Variants in CFI observed in about 807,000 individuals in gnomAD.
CFI encodes the protein complement factor I.
A neutral mutation model predicts 78.8 loss-of-function variants in CFI; 66 were observed. The observed-to-expected ratio is 0.84, with a 90% CI of 0.69 to 1.03. The LOEUF is 1.03. Ranked by LOEUF, CFI falls within the 50% of genes least tolerant of loss-of-function variation. The probability of loss-of-function intolerance (pLI) is 0.00; values close to 1 mark genes in which losing one functional copy is unlikely to be tolerated. For synonymous variants in CFI, 250 were observed against 232.6 expected (o/e 1.07, Z -0.68); for missense variants, 706 against 704.5 (o/e 1.00, Z -0.02).
At chr4:109,750,819 C>T (rs1435406518) in intron 8 of CFI, among the ~76,000 whole-genome samples, 1 of 152,166 alleles carries the variant, frequency 6.6e-6, no homozygotes, top group Non-Finnish European at 1.5e-5. Flanking sequence ...GAGGCTAAAG[C>T]AACTTCATCT....
chr4:109,782,310 C>G (rs545064200), intron 1 of CFI, among the ~76,000 whole-genome samples: 1 of 151,556 alleles, frequency 6.6e-6, no homozygotes, highest in East Asian at 1.9e-4. Context: ...AGAACTGATA[C>G]AAGAATTTAG....
At chr4:109,755,960 A>G (rs774601318) in intron 7 of CFI, among the ~76,000 whole-genome samples, 3 of 152,170 alleles carry the variant, frequency 2.0e-5, no homozygotes, top group Non-Finnish European at 2.9e-5. Context: ...AATTAGATGA[A>G]CACACAGTAA....
chr4:109,743,666 TCTAA>T (rs1724081736), intron 11 of CFI, among the ~76,000 whole-genome samples: 2 of 152,176 alleles, frequency 1.3e-5, no homozygotes, highest in East Asian at 1.9e-4. Flanking sequence ...TAAGGACATA[TCTAA>T]CTATCAGTTT....
At chr4:109,786,653 G>A (rs189108444) in intron 1 of CFI, among the ~76,000 whole-genome samples, 44 of 152,198 alleles carry the variant, frequency 2.9e-4, no homozygotes, top group African/African-American at 1.0e-3. Context: ...CTATTGGAAT[G>A]TTCCCCTTCT....
At chr4:109,767,967 T>G (rs7438732) in intron 1 of CFI, among the ~76,000 whole-genome samples, 1 of 151,876 alleles carries the variant, frequency 6.6e-6, no homozygotes, top group Non-Finnish European at 1.5e-5. Context: ...AAATGATGAG[T>G]TCATGTCCTT....
chr4:109,800,376 G>C (rs1222692476), intron 1 of CFI, among the ~76,000 whole-genome samples: 2 of 133,894 alleles, frequency 1.5e-5, no homozygotes, highest in Non-Finnish European at 3.1e-5. Context: ...GTGTCACCCA[G>C]GCTGGAATAC....
At chr4:109,791,995 G>A (rs953678006) in intron 1 of CFI, among the ~76,000 whole-genome samples, 1 of 151,824 alleles carries the variant, frequency 6.6e-6, no homozygotes, top group Non-Finnish European at 1.5e-5. Context: ...TCTGTTATTG[G>A]TTTCCAGCCT....
At chr4:109,757,449 A>G (rs776790530) in intron 7 of CFI, among the ~76,000 whole-genome samples, 11 of 152,194 alleles carry the variant, frequency 7.2e-5, no homozygotes, top group Non-Finnish European at 1.3e-4. Context: ...ATCTTTATTC[A>G]GGTGGCAATT....
rs559942739 is a variant in CFI, at chr4:109,742,149, T to A, written c.1534+342A>T. On this transcript the variant is annotated intron_variant, in intron 12 of 12. Coordinates refer to ENST00000394634, the MANE Select transcript of CFI (RefSeq NM_000204.5). ...ACTGCTCTGCATCTCAGATGCCTTATCTATGATCTTCAATTTTACAAATGA... is the reference window on the plus strand; with the variant it reads ...ACTGCTCTGCATCTCAGATGCCTTAACTATGATCTTCAATTTTACAAATGA... 1.0e-4 allele frequency: 28 copies of A among 276,154 alleles called. No homozygotes were observed. The Admixed American group carries it at 1.2e-3, about 11-fold the overall frequency. The allele number at this position is 276,154 out of a possible 1,614,324, so 17.1% of individuals were successfully genotyped here.
chr4:109,763,998 G>A (rs1473082774), intron 3 of CFI, among the ~76,000 whole-genome samples: 2 of 147,568 alleles, frequency 1.4e-5, no homozygotes, highest in Non-Finnish European at 3.0e-5. Context: ...TATAATTATA[G>A]TATATAAGCT....
downstream of CFI, among the ~76,000 whole-genome samples, chr4:109,739,245 T>C (rs940520461): frequency 2.6e-5 from 4 of 151,390 alleles, no homozygotes; most frequent in Non-Finnish European, 4.4e-5. Flanking sequence ...GTGAAACATA[T>C]ATGTCTGTCT....
At chr4:109,781,783 G>C (rs576150118) in intron 1 of CFI, among the ~76,000 whole-genome samples, 4 of 151,974 alleles carry the variant, frequency 2.6e-5, no homozygotes, top group Admixed American at 1.3e-4. Flanking sequence ...TAACCAAATC[G>C]AACAACATAT....
chr4:109,780,781 A>G (rs1482383548), intron 1 of CFI, among the ~76,000 whole-genome samples: 1 of 152,240 alleles, frequency 6.6e-6, no homozygotes, highest in Non-Finnish European at 1.5e-5. Flanking sequence ...GATTAAGAAA[A>G]CGTGGAACAT....
intron 1 of CFI, among the ~76,000 whole-genome samples, chr4:109,768,334 T>TAAAAAAAAAAA (rs756365540): frequency 2.4e-3 from 153 of 63,134 alleles, no homozygotes; most frequent in Non-Finnish European, 3.3e-3. Context: ...GAAGAAATCC[T>TAAAAAAAAAAA]AAAAAAAAAA....
intron 11 of CFI, among the ~76,000 whole-genome samples, chr4:109,745,418 C>T (rs185483931): frequency 6.6e-6 from 1 of 152,270 alleles, no homozygotes; most frequent in Non-Finnish European, 1.5e-5. Context: ...TCACCTGCCT[C>T]GGCCTCCCAA....
At chr4:109,801,852 C>G in intron 1 of CFI, 63 bp downstream of exon 1, 1 of 1,093,666 alleles carries the variant, frequency 9.1e-7, no homozygotes, top group Non-Finnish European at 1.4e-6. Flanking sequence ...AGATTATTTT[C>G]TATGTTTTTA....
chr4:109,801,526 C>T (rs1732766908), intron 1 of CFI, among the ~76,000 whole-genome samples: 4 of 152,066 alleles, frequency 2.6e-5, no homozygotes, highest in African/African-American at 9.7e-5. Context: ...TTATTATTTC[C>T]CCTTTCTATA....
intron 7 of CFI, among the ~76,000 whole-genome samples, chr4:109,755,631 A>G (rs1579199741): frequency 6.6e-6 from 1 of 151,950 alleles, no homozygotes; most frequent in African/African-American, 2.4e-5. Flanking sequence ...TTGCCCTTCA[A>G]CCTCCTGCCA....
chr4:109,761,412 C>G (rs549959998), intron 4 of CFI, 105 bp downstream of exon 4: 6 of 1,103,322 alleles, frequency 5.4e-6, no homozygotes, highest in Non-Finnish European at 8.3e-6. Flanking sequence ...TATATTATTG[C>G]CTCTGTGACT....
Sources: gnomAD v4.1 joint callset for allele counts (sites outside exome capture counted in the v4.1 genomes callset) on GRCh38, gnomAD v4.1.1 for gene constraint, MANE v1.5 for transcripts, NCBI Gene and HGNC (gene_info 2026-07-23, HGNC 2026-07-21) for gene names.